Variants in TTC6 observed in about 807,000 individuals in gnomAD.
TTC6 encodes the protein tetratricopeptide repeat protein 6.
In TTC6, 172 loss-of-function variants were observed where a neutral mutation model predicts 210.4. That is an observed-to-expected ratio of 0.82 (90% CI 0.72 to 0.93). The LOEUF is 0.93. Ranked by LOEUF, TTC6 falls within the 40% of genes least tolerant of loss-of-function variation. The pLI is 0.00. For synonymous variants in TTC6, 804 were observed against 819.6 expected (o/e 0.98, Z 0.32); for missense variants, 2,414 against 2,318.1 (o/e 1.04, Z -0.85).
intron 4 of TTC6, among the ~76,000 whole-genome samples, chr14:37,699,765 G>A (rs1595122307): frequency 6.6e-6 from 1 of 152,114 alleles, no homozygotes; most frequent in East Asian, 1.9e-4. Flanking sequence ...GAAAGAGAGA[G>A]GGGTCAAAGA....
chr14:37,657,753 G>A (rs984467650), intron 1 of TTC6, among the ~76,000 whole-genome samples: 2 of 152,178 alleles, frequency 1.3e-5, no homozygotes, highest in African/African-American at 4.8e-5. Flanking sequence ...AATTTTGGAG[G>A]AAGATGCCAA....
intron 17 of TTC6, among the ~76,000 whole-genome samples, chr14:37,793,923 A>C (rs573903502): frequency 6.6e-6 from 1 of 152,312 alleles, no homozygotes; most frequent in East Asian, 1.9e-4. Flanking sequence ...AAGAGTGTGA[A>C]GTGTGTACAA....
At chr14:37,805,226 TC>T (rs1482938049) in intron 21 of TTC6, among the ~76,000 whole-genome samples, 1 of 152,184 alleles carries the variant, frequency 6.6e-6, no homozygotes, top group Non-Finnish European at 1.5e-5. Context: ...ACAATTCAAA[TC>T]AGATTGAAAC....
exon 30 of TTC6, chr14:37,841,561 T>A: frequency 6.2e-7 from 1 of 1,607,518 alleles, no homozygotes; most frequent in Non-Finnish European, 8.5e-7. Context: ...AAGAAGATTT[T>A]GCAAATGTAA....
upstream of TTC6, among the ~76,000 whole-genome samples, chr14:37,621,542 G>A (rs1284283603): frequency 6.6e-6 from 1 of 152,158 alleles, no homozygotes; most frequent in African/African-American, 2.4e-5. Context: ...CCAGGAGGCC[G>A]AGGCTGCACT....
chr14:37,728,616 T>C (rs1406937988), intron 7 of TTC6, among the ~76,000 whole-genome samples: 12 of 152,214 alleles, frequency 7.9e-5, no homozygotes, highest in Admixed American at 7.9e-4. Context: ...TATTTTTAGG[T>C]TAATACTTCT....
rs923316435 is a variant in TTC6 at position 37,788,715 on chromosome 14, C to T, written c.3436+1078C>T. On this transcript the variant is annotated intron_variant, in intron 15 of 30. Coordinates refer to ENST00000553443, the Ensembl canonical transcript of TTC6. ...CTCTCGGCTTTGCTTTTTCCCAGGT[C>T]TGTCCTTCATTCCCCAGTGTAACAT... Among the ~76,000 whole-genome samples the T allele has an allele frequency of 2.0e-5, 3 of 152,176 alleles. No individual in the cohort carries two copies. The East Asian group carries it at 5.8e-4, about 29-fold the overall frequency.
At chr14:37,733,666 G>A (rs1014662004) in intron 7 of TTC6, among the ~76,000 whole-genome samples, 1 of 151,910 alleles carries the variant, frequency 6.6e-6, no homozygotes, top group African/African-American at 2.4e-5. Flanking sequence ...ATTTCCTATA[G>A]TTTCACTATG....
intron 14 of TTC6, among the ~76,000 whole-genome samples, chr14:37,756,763 G>A (rs901903231): frequency 6.6e-6 from 1 of 152,034 alleles, no homozygotes; most frequent in African/African-American, 2.4e-5. Flanking sequence ...ATTTTATTGA[G>A]GATTTTCACA....
chr14:37,710,458 A>C (rs1467263403), intron 5 of TTC6, among the ~76,000 whole-genome samples: 1 of 152,146 alleles, frequency 6.6e-6, no homozygotes, highest in Admixed American at 6.6e-5. Context: ...ATGGGAGACC[A>C]ATATTGACCC....
At chr14:37,749,918 A>T in intron 12 of TTC6, 75 bp downstream of exon 14, 3 of 1,037,448 alleles carry the variant, frequency 2.9e-6, no homozygotes, top group East Asian at 6.7e-5. Flanking sequence ...TACTATAAGG[A>T]TACATAAATC....
intron 14 of TTC6, among the ~76,000 whole-genome samples, chr14:37,772,927 T>G (rs1166433310): frequency 2.0e-5 from 3 of 152,230 alleles, no homozygotes; most frequent in African/African-American, 7.2e-5. Context: ...AAAATGTCAT[T>G]TTAATAATAG....
rs114258278 is a variant in TTC6, at chr14:37,715,315, G to T, written c.1713+519G>T. Among the ~76,000 whole-genome samples, 828 of 152,244 alleles carry T rather than the reference G, an allele frequency of 5.4e-3. 9 individuals are homozygous for T. Among genetic ancestry groups the T allele is most frequent in the African/African-American group, 0.018 (764 of 41,540 alleles). ...TTATCACAAAAGATGGGGAGAGACT[G>T]AAAAGTATTGAAATAAATAATGTCT... On this transcript the variant is annotated intron_variant, in intron 6 of 30. Coordinates refer to ENST00000553443, the Ensembl canonical transcript of TTC6.
At chr14:37,634,375 A>T (rs1449049904) in intron 1 of TTC6, among the ~76,000 whole-genome samples, 1 of 152,200 alleles carries the variant, frequency 6.6e-6, no homozygotes, top group African/African-American at 2.4e-5. Flanking sequence ...AGCTGATTGG[A>T]GAAGACAGAG....
intron 5 of TTC6, among the ~76,000 whole-genome samples, chr14:37,703,223 G>A (rs34551220): frequency 0.1 from 15,419 of 151,824 alleles, 1,130 homozygotes; most frequent in East Asian, 0.27. Context: ...AATTATTCAC[G>A]CAAAGTGTTA....
chr14:37,749,677 A>G, intron 11 of TTC6, 37 bp from the exon 14 acceptor site: 1 of 1,297,830 alleles, frequency 7.7e-7, no homozygotes, highest in Non-Finnish European at 9.9e-7. Flanking sequence ...TCCTTTAACA[A>G]ATCAACTTTA....
At chr14:37,748,866 G>A in intron 10 of TTC6, 73 bp from the exon 13 acceptor site, 1 of 1,195,506 alleles carries the variant, frequency 8.4e-7, no homozygotes. Context: ...TTTATGTGTG[G>A]CTGAGTTGAT....
At chr14:37,639,261 G>T (rs2095686897) in intron 1 of TTC6, among the ~76,000 whole-genome samples, 1 of 152,148 alleles carries the variant, frequency 6.6e-6, no homozygotes, top group African/African-American at 2.4e-5. Context: ...ACCAGGATCT[G>T]GGCAGAGAAA....
At chr14:37,798,120 C>G (rs1283434246) in intron 20 of TTC6, among the ~76,000 whole-genome samples, 1 of 152,026 alleles carries the variant, frequency 6.6e-6, no homozygotes, top group Non-Finnish European at 1.5e-5. Context: ...CTAGGAAGCT[C>G]CTGGTTAATC....
Sources: allele counts gnomAD v4.1 joint callset (sites outside exome capture counted in the v4.1 genomes callset), GRCh38; gene constraint gnomAD v4.1.1; transcripts MANE v1.5; gene names NCBI Gene and HGNC (gene_info 2026-07-23, HGNC 2026-07-21).